The following PNPLA7 variants were observed in gnomAD, a reference collection of about 807,000 sequenced individuals.
The protein encoded by PNPLA7 is patatin like domain 7, lysophospholipase, also known as patatin-like phospholipase domain-containing protein 7.
PNPLA7 carries 153 observed loss-of-function variants against 161.7 expected under a neutral mutation model. The ratio of observed to expected loss-of-function variants is 0.95; its 90% CI spans 0.83 to 1.08. PNPLA7 has a LOEUF of 1.08. Among genes scored for constraint, PNPLA7 ranks in the 50% least tolerant of loss-of-function variants. The pLI is 0.00. For missense variants in PNPLA7, 1,739 were observed against 1,856.6 expected (o/e 0.94, Z 1.16); for synonymous variants, 809 against 782.1 (o/e 1.03, Z -0.57).
Position 137,479,044 on chromosome 9 carries a change from TC to T in PNPLA7, c.2763+11del. On this transcript the variant is annotated intron_variant, in intron 24 of 34. Coordinates refer to ENST00000406427, the MANE Select transcript of PNPLA7 (RefSeq NM_001098537.3). ...GGAGCCACGGGCAGGCAGCCTCCTC[TC>T]CCCGCCTCACCAGCTTGGGCAGGCT... 1 of 1,554,554 alleles carries T rather than the reference TC, an allele frequency of 6.4e-7. No individual in the cohort carries two copies. The highest frequency in any genetic ancestry group is 8.7e-7 in the Non-Finnish European group (1 of 1,145,410).
chr9:137,546,916 G>A lies in PNPLA7; in HGVS notation c.194-7C>T, dbSNP rs988465125. 6.2e-7 allele frequency: 1 copy of A among 1,613,362 alleles called. No homozygotes were observed. The highest frequency in any genetic ancestry group is 8.5e-7 in the Non-Finnish European group (1 of 1,179,788). ...GGAGTGGGCTGTGCTTGTCCTGCAG[G>A]GGAGTAAAGGGATGGCCTGAGGTAG... On this transcript the variant is annotated splice_region_variant and splice_polypyrimidine_tract_variant and intron_variant, in intron 3 of 34. Transcript: ENST00000406427.
chr9:137,504,192 G>T (rs965406966), intron 14 of PNPLA7, among the ~76,000 whole-genome samples: 4 of 114,564 alleles, frequency 3.5e-5, no homozygotes, highest in Non-Finnish European at 7.3e-5. Context: ...GAAGGAAGAA[G>T]AAGAGGAAGA....
rs1269469851 is a variant in PNPLA7 at position 137,541,616 on chromosome 9, G to C, written c.667-894C>G. On this transcript the variant is annotated intron_variant, in intron 7 of 34. Coordinates refer to ENST00000406427, the MANE Select transcript of PNPLA7 (RefSeq NM_001098537.3). This position sits in a 1 kb window ranked among gnomAD's most constrained non-coding sequence, Gnocchi z 4.4. The stretch of plus-strand genomic sequence containing the variant: ...GAACAAGCAATGGGAAGTCTGGGTC[G>C]CAAACTGCCCAGACAGACAAAGCCA... The C allele has an allele frequency of 2.4e-6, 1 of 425,324 alleles. No individual in the cohort carries two copies. Among genetic ancestry groups the C allele is most frequent in the African/African-American group, 2.2e-5 (1 of 46,450 alleles). The allele number at this position is 425,324 out of a possible 1,614,324, so 26.3% of individuals were successfully genotyped here.
At chr9:137,526,669 A>G (rs1835319138) in intron 8 of PNPLA7, among the ~76,000 whole-genome samples, 1 of 152,256 alleles carries the variant, frequency 6.6e-6, no homozygotes, top group South Asian at 2.1e-4. Context: ...CCAGTTGGTC[A>G]CAAGTGTGAG....
intron 8 of PNPLA7, among the ~76,000 whole-genome samples, chr9:137,528,523 G>A (rs1588687443): frequency 6.6e-6 from 1 of 151,986 alleles, no homozygotes; most frequent in Admixed American, 6.6e-5. Context: ...CTCAAGTGAT[G>A]CACCCGCCTC....
At chr9:137,462,095 G>A in intron 31 of PNPLA7, 54 bp from the exon 32 acceptor site, 1 of 1,521,598 alleles carries the variant, frequency 6.6e-7, no homozygotes, top group South Asian at 1.2e-5. Flanking sequence ...CCCACTTCCT[G>A]TGTTCTCAAA....
chr9:137,501,875 G>C (rs1278024067), intron 14 of PNPLA7, 148 bp from the exon 15 acceptor site: 2 of 771,936 alleles, frequency 2.6e-6, no homozygotes, highest in South Asian at 1.8e-5. Flanking sequence ...CTCCAACAAG[G>C]GCCTGATGGA....
At chr9:137,516,542 C>T in intron 11 of PNPLA7, 1 of 985,108 alleles carries the variant, frequency 1.0e-6, no homozygotes, top group East Asian at 1.1e-4. Context: ...GGTGCAGTGG[C>T]TCACACCTGT....
chr9:137,544,018 G>A lies in PNPLA7; in HGVS notation c.274-203C>T, dbSNP rs535035862. ...GCGATACAGCCCCACACATCCTTGG[G>A]ATCGTCCTCACTGTCCCCAAACAGC... On this transcript the variant is annotated intron_variant, in intron 4 of 34. Coordinates refer to ENST00000406427, the MANE Select transcript of PNPLA7 (RefSeq NM_001098537.3). 3.3e-5 allele frequency among the ~76,000 whole-genome samples: 5 copies of A among 152,138 alleles called. No homozygotes were observed. In the South Asian group the frequency reaches 1.0e-3, roughly 31 times the overall value.
At chr9:137,534,858 C>A (rs1041787056) in intron 8 of PNPLA7, among the ~76,000 whole-genome samples, 2 of 152,120 alleles carry the variant, frequency 1.3e-5, no homozygotes, top group Non-Finnish European at 2.9e-5. Flanking sequence ...ACTAATGAGA[C>A]CTTAACCCCA....
chr9:137,508,295 C>T (rs763042718), intron 12 of PNPLA7, among the ~76,000 whole-genome samples: 6 of 152,150 alleles, frequency 3.9e-5, no homozygotes, highest in Non-Finnish European at 8.8e-5. Flanking sequence ...CAGCCGGGCG[C>T]GGCAGCTCAC....
At chr9:137,515,544 A>G (rs774723591) in intron 11 of PNPLA7, 25 bp from the exon 12 acceptor site, 4 of 1,515,290 alleles carry the variant, frequency 2.6e-6, no homozygotes, top group Non-Finnish European at 3.5e-6. Context: ...GCCGTAAGCA[A>G]CCTTGTTTGC....
In PNPLA7 at chr9:137,500,133, A is replaced by G. The variant is rs755998412; in HGVS notation, c.1757+558T>C. The stretch of plus-strand genomic sequence containing the variant: ...AATCTGAGACTTACGGGCTGGGGTC[A>G]AGTGGACAGATGTCTTCCAGCCCGG... On this transcript the variant is annotated intron_variant, in intron 16 of 34. Transcript: ENST00000406427. This position sits in a 1 kb window ranked among gnomAD's most constrained non-coding sequence, Gnocchi z 5.5. Among the ~76,000 whole-genome samples the G allele has an allele frequency of 1.3e-5, 2 of 152,218 alleles. No homozygotes were observed. Among genetic ancestry groups the G allele is most frequent in the Non-Finnish European group, 2.9e-5 (2 of 68,022 alleles).
rs543887532 is a variant in PNPLA7, at chr9:137,482,547, C to G, written c.2348-1524G>C. Among the ~76,000 whole-genome samples the G allele has an allele frequency of 8.5e-5, 13 of 152,366 alleles. No individual in the cohort carries two copies. The South Asian group carries it at 2.7e-3, about 32-fold the overall frequency. Reference sequence around the variant, plus strand: ...ATGACAAAATTATAGAGATCGAGAACAGATCCAGGGCTGCCGGCAAGCCGG... The same window carrying G: ...ATGACAAAATTATAGAGATCGAGAAGAGATCCAGGGCTGCCGGCAAGCCGG... On this transcript the variant is annotated intron_variant, in intron 21 of 34. Coordinates refer to ENST00000406427, the MANE Select transcript of PNPLA7 (RefSeq NM_001098537.3).
intron 11 of PNPLA7, among the ~76,000 whole-genome samples, chr9:137,519,221 G>A (rs1296429539): frequency 2.0e-5 from 3 of 152,236 alleles, no homozygotes; most frequent in African/African-American, 7.2e-5. Flanking sequence ...AACCAAGCGC[G>A]CACCTCATCT....
rs1303018271 is a variant in PNPLA7, at chr9:137,464,343, G to C, written c.3153C>G (p.Ile1051Met). 1.9e-6 allele frequency: 3 copies of C among 1,613,182 alleles called. No individual in the cohort carries two copies. The highest frequency in any genetic ancestry group is 1.7e-5 in the Admixed American group (1 of 60,002). The change falls in exon 27 of 35, where the codon ATC (isoleucine) becomes ATG (methionine). Residue 1051 changes from isoleucine (I) to methionine (M), a missense_variant. Coordinates refer to ENST00000406427, the MANE Select transcript of PNPLA7 (RefSeq NM_001098537.3). ...SIFSVFKDQQIEDLWIPYFAI... is the reference protein window; with the variant it reads ...SIFSVFKDQQMEDLWIPYFAI... ...GCTCCTGAGGGTGGGGGTGCACCTC[G>C]ATCTGCTGGTCCTTGAAGACGCTGA...
intron 8 of PNPLA7, among the ~76,000 whole-genome samples, chr9:137,531,034 T>C (rs1191581147): frequency 6.6e-6 from 1 of 152,172 alleles, no homozygotes; most frequent in Non-Finnish European, 1.5e-5. Context: ...ACTCAGCAAT[T>C]TTTCTTCCAC....
In PNPLA7 at chr9:137,507,194, G is replaced by A. The variant is rs557772382; in HGVS notation, c.1226-1111C>T. On this transcript the variant is annotated intron_variant, in intron 12 of 34. Coordinates refer to ENST00000406427, the MANE Select transcript of PNPLA7 (RefSeq NM_001098537.3). ...TGTGCTGTGTATTACTCATGCCCCCGTCAAGTCCTGCTGTTTTTTAAAAAA... is the reference window on the plus strand; with the variant it reads ...TGTGCTGTGTATTACTCATGCCCCCATCAAGTCCTGCTGTTTTTTAAAAAA... 5.4e-4 allele frequency among the ~76,000 whole-genome samples: 82 copies of A among 152,344 alleles called. 1 individual carries two copies. Among genetic ancestry groups the A allele is most frequent in the African/African-American group, 1.8e-3 (76 of 41,576 alleles).
At chr9:137,531,482 G>A (rs988942162) in intron 8 of PNPLA7, among the ~76,000 whole-genome samples, 3 of 152,182 alleles carry the variant, frequency 2.0e-5, no homozygotes, top group African/African-American at 7.2e-5. Flanking sequence ...TGGACACGCA[G>A]CTCCTCTGGC....
Sources: gnomAD v4.1 joint callset for allele counts (sites outside exome capture counted in the v4.1 genomes callset) on GRCh38, gnomAD v4.1.1 for gene constraint, Gnocchi (gnomAD v3.1) non-coding constraint, MANE v1.5 for transcripts, NCBI Gene and HGNC (gene_info 2026-07-23, HGNC 2026-07-21) for gene names.